The following SKAP1 variants were observed in gnomAD, a reference collection of about 807,000 sequenced individuals.
SKAP1 encodes the protein src kinase associated phosphoprotein 1, also known as src kinase-associated phosphoprotein 1.
In SKAP1, 44 loss-of-function variants were observed where a neutral mutation model predicts 58.5. The observed-to-expected ratio is 0.75, with a 90% CI of 0.59 to 0.97. The LOEUF (loss-of-function observed/expected upper bound fraction) is 0.97, where lower values mean the gene tolerates loss of function less well. SKAP1 is among the 50% of genes least tolerant of loss of function. SKAP1 has a pLI of 0.00. For missense variants in SKAP1, 390 were observed against 435.2 expected, an observed-to-expected ratio of 0.90 and a Z score of 0.92; for synonymous variants, 127 against 149.7, an observed-to-expected ratio of 0.85 and a Z score of 1.11.
chr17:48,272,163 T>C (rs1420301227), intron 4 of SKAP1, among the ~76,000 whole-genome samples: 2 of 151,348 alleles, frequency 1.3e-5, no homozygotes, highest in Non-Finnish European at 2.9e-5. Flanking sequence ...AGATGAAGTC[T>C]CACTCAGTCA....
At chr17:48,369,566 T>C (rs554349643) in intron 2 of SKAP1, among the ~76,000 whole-genome samples, 82 of 152,128 alleles carry the variant, frequency 5.4e-4, no homozygotes, top group African/African-American at 1.8e-3. Flanking sequence ...ACCCACAGTA[T>C]TGAGGGAATC....
intron 1 of SKAP1, among the ~76,000 whole-genome samples, chr17:48,413,153 A>G (rs1321701941): frequency 1.3e-5 from 2 of 152,098 alleles, no homozygotes; most frequent in Non-Finnish European, 2.9e-5. Context: ...TTATGAAGCC[A>G]GTATAACTCT....
In SKAP1 at chr17:48,408,704, T is replaced by A. The variant is rs918462448; in HGVS notation, c.47-11919A>T. Among the ~76,000 whole-genome samples, 3 of 152,240 alleles carry A rather than the reference T, an allele frequency of 2.0e-5. No individual in the cohort carries two copies. The East Asian group carries it at 5.8e-4, about 29-fold the overall frequency. On this transcript the variant is annotated intron_variant, in intron 1 of 12. Transcript: ENST00000336915. ...CCTGATAAATGGCAAAAATGTCATCTAATGGTATTTATATCTACTAGTGAC... is the reference window on the plus strand; with the variant it reads ...CCTGATAAATGGCAAAAATGTCATCAAATGGTATTTATATCTACTAGTGAC...
At position 48,270,953 on chromosome 17, in the gene SKAP1, G is replaced by A. The variant is rs193222942; in HGVS notation, c.280+74952C>T. Among the ~76,000 whole-genome samples, 38 of 151,826 alleles carry A rather than the reference G, an allele frequency of 2.5e-4. No homozygotes were observed. The East Asian group carries it at 6.2e-3, about 25-fold the overall frequency. ...GTAGTGCAGGTTTAAGCGGGGGGAG[G>A]GGGTTGGTGGGAGGGGGGCATGAAC... On this transcript the variant is annotated intron_variant, in intron 4 of 12. Coordinates refer to ENST00000336915, the MANE Select transcript of SKAP1 (RefSeq NM_003726.4).
At chr17:48,330,093 C>T (rs1186510236) in intron 4 of SKAP1, among the ~76,000 whole-genome samples, 1 of 152,154 alleles carries the variant, frequency 6.6e-6, no homozygotes. Context: ...GAAGGCCAGG[C>T]TAATAAATCT....
At chr17:48,411,308 G>A (rs9897588) in intron 1 of SKAP1, among the ~76,000 whole-genome samples, 45,591 of 151,516 alleles carry the variant, frequency 0.3, 7,115 homozygotes, top group Admixed American at 0.38. Flanking sequence ...GCTGAGGCAG[G>A]AGAATTGTTT....
intron 4 of SKAP1, among the ~76,000 whole-genome samples, chr17:48,223,035 G>C (rs139759168): frequency 0.022 from 2,747 of 126,528 alleles, 38 homozygotes; most frequent in Middle Eastern, 0.034. Flanking sequence ...TTGCACTCTA[G>C]CCTGGGCGAC....
intron 4 of SKAP1, among the ~76,000 whole-genome samples, chr17:48,332,474 G>A (rs996001912): frequency 3.3e-5 from 5 of 151,938 alleles, no homozygotes; most frequent in African/African-American, 4.8e-5. Flanking sequence ...AAAAAATGAC[G>A]AGCATATTTC....
intron 2 of SKAP1, among the ~76,000 whole-genome samples, chr17:48,382,152 T>C (rs1183611363): frequency 6.7e-6 from 1 of 150,160 alleles, no homozygotes; most frequent in African/African-American, 2.5e-5. Context: ...GGTATGTGTG[T>C]GATGAATGTT....
At chr17:48,387,191 T>C (rs1009684749) in intron 2 of SKAP1, among the ~76,000 whole-genome samples, 9 of 152,226 alleles carry the variant, frequency 5.9e-5, no homozygotes, top group African/African-American at 2.2e-4. Context: ...AATCTCCCTG[T>C]TAAATATAAT....
chr17:48,369,588 C>T lies in SKAP1; in HGVS notation c.153-5774G>A, dbSNP rs574244782. Among the ~76,000 whole-genome samples the T allele has an allele frequency of 3.9e-5, 6 of 152,124 alleles. No individual in the cohort carries two copies. The East Asian group carries it at 9.7e-4, about 24-fold the overall frequency. ...GTATTGAGGGAATCTTGATAAGCAG[C>T]AGTCACTGTAGTAGTAATAACAGTA... On this transcript the variant is annotated intron_variant, in intron 2 of 12. Coordinates refer to ENST00000336915, the MANE Select transcript of SKAP1 (RefSeq NM_003726.4).
intron 4 of SKAP1, among the ~76,000 whole-genome samples, chr17:48,242,893 G>A (rs1481224282): frequency 5.9e-5 from 9 of 152,190 alleles, no homozygotes; most frequent in Non-Finnish European, 1.3e-4. Flanking sequence ...AATATGCCAA[G>A]ACTTGAGCCT....
At position 48,134,534 on chromosome 17, in the gene SKAP1, T is replaced by C. The variant is rs556956031; in HGVS notation, c.*8-718A>G. ...GGTTCCACCATGTTGGTCAGGCTGG[T>C]CTCGAACTCCTGACCTCGTTATCTG... is the stretch of plus-strand genomic sequence containing the variant. On this transcript the variant is annotated intron_variant, in intron 12 of 12. Transcript: ENST00000336915. Among the ~76,000 whole-genome samples, 12 of 151,906 alleles carry C rather than the reference T, an allele frequency of 7.9e-5. No homozygotes were observed. The South Asian group carries it at 8.3e-4, about 11-fold the overall frequency.
chr17:48,293,673 C>T (rs1204437157), intron 4 of SKAP1, among the ~76,000 whole-genome samples: 1 of 152,156 alleles, frequency 6.6e-6, no homozygotes, highest in Admixed American at 6.5e-5. Flanking sequence ...ATCTATAATA[C>T]TATTCTAGTG....
chr17:48,203,448 A>G (rs759246573), intron 4 of SKAP1, among the ~76,000 whole-genome samples: 9 of 152,180 alleles, frequency 5.9e-5, no homozygotes, highest in Non-Finnish European at 1.2e-4. Flanking sequence ...AGTCTCTAAA[A>G]TGTATTTCTG....
intron 1 of SKAP1, among the ~76,000 whole-genome samples, chr17:48,398,263 C>T (rs1333456855): frequency 6.6e-6 from 1 of 152,092 alleles, no homozygotes; most frequent in East Asian, 1.9e-4. Flanking sequence ...GCATTAGATC[C>T]TTATAGGAGC....
chr17:48,144,990 A>G (rs1442323304), intron 11 of SKAP1, among the ~76,000 whole-genome samples: 1 of 152,202 alleles, frequency 6.6e-6, no homozygotes, highest in Non-Finnish European at 1.5e-5. Flanking sequence ...TAGGGCTAAG[A>G]TTTAAATTAT....
intron 4 of SKAP1, among the ~76,000 whole-genome samples, chr17:48,211,526 G>A (rs774536040): frequency 6.6e-6 from 1 of 152,136 alleles, no homozygotes; most frequent in Non-Finnish European, 1.5e-5. Context: ...ATTCTGTTTC[G>A]CTGATTTATA....
At chr17:48,295,375 C>G (rs1038517062) in intron 4 of SKAP1, among the ~76,000 whole-genome samples, 6 of 152,014 alleles carry the variant, frequency 3.9e-5, no homozygotes, top group Non-Finnish European at 8.8e-5. Context: ...CTTTTTAAAG[C>G]AGGGACCTAA....
Sources: allele counts gnomAD v4.1 joint callset (sites outside exome capture counted in the v4.1 genomes callset), GRCh38; gene constraint gnomAD v4.1.1; transcripts MANE v1.5; gene names NCBI Gene and HGNC (gene_info 2026-07-23, HGNC 2026-07-21).